PZP: variants seen among roughly 807,000 people sequenced by gnomAD.
PZP encodes PZP alpha-2-macroglobulin like.
PZP carries 150 observed loss-of-function variants against 179.8 expected under a neutral mutation model. That is an observed-to-expected ratio of 0.83 (90% CI 0.73 to 0.96). PZP has a LOEUF of 0.96. Among genes scored for constraint, PZP ranks in the 40% least tolerant of loss-of-function variants. The pLI, the probability that PZP is intolerant of heterozygous loss-of-function variation, is 0.00. For missense variants in PZP, 1,689 were observed against 1,764.0 expected, an observed-to-expected ratio of 0.96 and a Z score of 0.76; for synonymous variants, 624 against 652.3, an observed-to-expected ratio of 0.96 and a Z score of 0.66.
the PZP span, among the ~76,000 whole-genome samples, chr12:9,143,658 G>T: frequency 2.0e-5 from 3 of 152,200 alleles, no homozygotes; most frequent in Admixed American, 2.0e-4. Flanking sequence ...AAGTTGTCAA[G>T]GTCCCTGAGA....
chr12:9,200,544 C>G (rs772229240), intron 6 of PZP, 96 bp from the exon 7 acceptor site: 465 of 947,774 alleles, frequency 4.9e-4, no homozygotes, highest in South Asian at 1.2e-3. Context: ...CAAAATAACA[C>G]TCTGAATGTT....
the PZP span, among the ~76,000 whole-genome samples, chr12:9,142,523 T>A: frequency 1.3e-5 from 2 of 152,242 alleles, no homozygotes; most frequent in East Asian, 3.8e-4. Context: ...TCACGTGAAC[T>A]GAAAGGTCCC....
Position 9,202,424 on chromosome 12 carries a change from G to C in PZP, c.428-53C>G, listed in dbSNP as rs139104362. The C allele has an allele frequency of 2.0e-5, 32 of 1,613,488 alleles. No homozygotes were observed. In the African/African-American group the frequency reaches 3.7e-4, roughly 19 times the overall value. On this transcript the variant is annotated intron_variant, in intron 3 of 35. Transcript: ENST00000261336. ...CAGACATGATAAAGCAGGTAATTTG[G>C]GTAATAAGACAGGAGGCTACGGGGC...
chr12:9,137,123 T>G, the PZP span, among the ~76,000 whole-genome samples: 3 of 152,196 alleles, frequency 2.0e-5, no homozygotes, highest in Non-Finnish European at 4.4e-5. Flanking sequence ...TCATAAAGCA[T>G]GTCTTTTATT....
Position 9,202,665 on chromosome 12 carries a change from G to A in PZP, c.287C>T (p.Ser96Phe). The A allele has an allele frequency of 1.2e-6, 2 of 1,614,134 alleles. No individual in the cohort carries two copies. The highest frequency in any genetic ancestry group is 2.2e-5 in the South Asian group (2 of 91,070). The change falls in exon 3 of 36, where the codon TCT (serine) becomes TTT (phenylalanine). Residue 96 changes from serine (S) to phenylalanine (F), a missense_variant. Ser to Phe is a radical substitution (Grantham distance 155). Around this residue, in one of 3 missense-constraint regions of PZP, gnomAD observed 742 missense variants for 730.5 expected, o/e 1.02. Coordinates refer to ENST00000261336, the MANE Select transcript of PZP (RefSeq NM_002864.3). ...GATGCTAAGGAATGCCACCTCTGAAGAGGCTGAGATCCTTGGGAGCTAAAA... is the reference window on the plus strand; with the variant it reads ...GATGCTAAGGAATGCCACCTCTGAAAAGGCTGAGATCCTTGGGAGCTAAAA... ...VSFTLPRISA[S>F]SEVAFLSIQI...
chr12:9,151,733 T>A, intron 32 of PZP, 61 bp from the exon 33 acceptor site: 1 of 1,357,542 alleles, frequency 7.4e-7, no homozygotes, highest in Admixed American at 1.8e-5. Context: ...TGGTGTGAGA[T>A]CTAGAGCAGA....
rs1480814717 is a variant in PZP at position 9,203,842 on chromosome 12, A to G, written c.193T>C (p.Ser65Pro). ...AAGAGGCTCCTGTTTTCCCTGCCAG[A>G]CTCCAAGGAAGCACTTACAGTCACT... ...ETVTVSASLE[S>P]GRENRSLFTD... The change falls in exon 2 of 36, where the codon TCT becomes CCT. Residue 65 changes from serine (S) to proline (P), a missense_variant. Ser to Pro is a moderately conservative substitution (Grantham distance 74). Coordinates refer to ENST00000261336, the MANE Select transcript of PZP (RefSeq NM_002864.3). 1.5e-5 allele frequency: 25 copies of G among 1,613,808 alleles called. No homozygotes were observed. Among genetic ancestry groups the G allele is most frequent in the Non-Finnish European group, 2.1e-5 (25 of 1,179,958 alleles).
intron 19 of PZP, among the ~76,000 whole-genome samples, chr12:9,164,533 A>G (rs1394667573): frequency 1.3e-5 from 2 of 152,216 alleles, no homozygotes; most frequent in Non-Finnish European, 2.9e-5. Flanking sequence ...CAGTGATTGT[A>G]TATTGCCCTA....
intron 4 of PZP, among the ~76,000 whole-genome samples, chr12:9,201,971 C>A (rs1944187201): frequency 6.6e-6 from 1 of 152,074 alleles, no homozygotes; most frequent in Admixed American, 6.5e-5. Context: ...CCTATATATT[C>A]ATAAAAGCAT....
At chr12:9,185,956 C>T (rs1943088559) in intron 13 of PZP, among the ~76,000 whole-genome samples, 1 of 151,686 alleles carries the variant, frequency 6.6e-6, no homozygotes, top group Non-Finnish European at 1.5e-5. Flanking sequence ...TACAGGCGTG[C>T]ACCATCACAC....
Position 9,165,161 on chromosome 12 carries a change from T to C in PZP, c.2465A>G (p.Asn822Ser). 1 of 1,614,070 alleles carries C rather than the reference T, an allele frequency of 6.2e-7. No homozygotes were observed. Among genetic ancestry groups the C allele is most frequent in the Non-Finnish European group, 8.5e-7 (1 of 1,179,932 alleles). Residue 822 changes from asparagine to serine, a missense_variant, in exon 19 of 36, where the codon AAC (asparagine) becomes AGC (serine). Asn to Ser is a conservative substitution (Grantham distance 46, BLOSUM62 1). Transcript: ENST00000261336. ...TACCCGGATGCATTTGGGAAGGTAG[T>C]TTAGGACCGTGGCCTTGAGTGTGAA... Reference protein sequence around the residue: ...EVFTLKATVLNYLPKCIRVSV... With the variant: ...EVFTLKATVLSYLPKCIRVSV...
At chr12:9,201,166 A>G (rs1689029097) in intron 5 of PZP, 106 bp from the exon 6 acceptor site, 1 of 1,441,502 alleles carries the variant, frequency 6.9e-7, no homozygotes, top group Non-Finnish European at 9.5e-7. Flanking sequence ...TGGAAAGACA[A>G]ATACAGAAGG....
At position 9,197,441 on chromosome 12, in the gene PZP, G is replaced by A. The variant is rs751792759; in HGVS notation, c.756-318C>T. Among the ~76,000 whole-genome samples the A allele has an allele frequency of 1.3e-3, 171 of 130,000 alleles. No homozygotes were observed. The Middle Eastern group carries it at 0.017, about 13-fold the overall frequency. The allele number at this position is 130,000 out of a possible 152,430, so 85.3% of individuals were successfully genotyped here. ...ATTAAAATAATTATTAATTATTGGA[G>A]TACTGCTTAATAATATATAATAATA... On this transcript the variant is annotated intron_variant, in intron 7 of 35. Transcript: ENST00000261336.
rs191014492 is a variant in PZP, at chr12:9,205,618, A to G, written c.84-1667T>C. Among the ~76,000 whole-genome samples the G allele has an allele frequency of 1.9e-3, 287 of 152,318 alleles. No homozygotes were observed. In the Middle Eastern group the frequency reaches 0.031, roughly 16 times the overall value. On this transcript the variant is annotated intron_variant, in intron 1 of 35. Transcript: ENST00000261336. Reference sequence around the variant, plus strand: ...CTAAAATGTAACTCTTCAAAGCTTTAATGATTCAGTGATTCATGATTCAAT... The same window carrying G: ...CTAAAATGTAACTCTTCAAAGCTTTGATGATTCAGTGATTCATGATTCAAT...
At chr12:9,163,607 C>G in intron 21 of PZP, 61 bp downstream of exon 21, 1 of 1,579,120 alleles carries the variant, frequency 6.3e-7, no homozygotes, top group Non-Finnish European at 8.6e-7. Context: ...TTTGTTGTCT[C>G]AAGAGTGACC....
chr12:9,158,173 T>G (rs1194562748), intron 26 of PZP, among the ~76,000 whole-genome samples: 1 of 152,216 alleles, frequency 6.6e-6, no homozygotes, highest in Non-Finnish European at 1.5e-5. Context: ...CAGGCTAGTC[T>G]TATACTCCTG....
intron 11 of PZP, 112 bp from the exon 12 acceptor site, chr12:9,192,851 T>C (rs1943540029): frequency 4.4e-6 from 3 of 684,876 alleles, no homozygotes; most frequent in African/African-American, 1.8e-5. Context: ...ACACTATGCC[T>C]CTCCCTCATA....
chr12:9,152,164 T>G, intron 32 of PZP, 56 bp downstream of exon 32: 1 of 1,242,890 alleles, frequency 8.0e-7, no homozygotes, highest in Non-Finnish European at 1.2e-6. Context: ...TGGTCTTAGT[T>G]TGGGGATACA....
intron 17 of PZP, 125 bp from the exon 18 acceptor site, chr12:9,166,327 G>A (rs972103836): frequency 4.6e-6 from 4 of 871,134 alleles, no homozygotes; most frequent in African/African-American, 3.5e-5. Context: ...TCTTGTAGAA[G>A]TTGTAGAACT....
Sources: gnomAD v4.1 joint callset for allele counts (sites outside exome capture counted in the v4.1 genomes callset) on GRCh38, gnomAD v4.1.1 for gene constraint, gnomAD v4.1.1 regional missense constraint, MANE v1.5 for transcripts, NCBI Gene and HGNC (gene_info 2026-07-23, HGNC 2026-07-21) for gene names.